SGCD: variants seen among roughly 807,000 people sequenced by gnomAD.
SGCD encodes the protein delta-sarcoglycan.
A neutral mutation model predicts 36.6 loss-of-function variants in SGCD; 18 were observed. The ratio of observed to expected loss-of-function variants is 0.49; its 90% CI spans 0.34 to 0.73. The LOEUF (loss-of-function observed/expected upper bound fraction) is 0.73, where lower values mean the gene tolerates loss of function less well. SGCD is among the 30% of genes least tolerant of loss of function. SGCD has a pLI of 0.01. For missense variants in SGCD, 387 were observed against 346.7 expected (o/e 1.12, Z -0.92); for synonymous variants, 133 against 130.6 (o/e 1.02, Z -0.12).
intron 3 of SGCD, among the ~76,000 whole-genome samples, chr5:156,209,522 C>T (rs1764380612): frequency 6.6e-6 from 1 of 152,126 alleles, no homozygotes; most frequent in African/African-American, 2.4e-5. Context: ...AGCGCTAAGC[C>T]CATTCATGTG....
intron 1 of SGCD, among the ~76,000 whole-genome samples, chr5:156,074,679 C>CA (rs1320010271): frequency 5.3e-5 from 8 of 150,838 alleles, no homozygotes; most frequent in Non-Finnish European, 8.9e-5. Flanking sequence ...GAATCCATCT[C>CA]AAAAAAAGAA....
intron 1 of SGCD, among the ~76,000 whole-genome samples, chr5:156,098,864 C>T (rs1420765056): frequency 6.6e-6 from 1 of 152,178 alleles, no homozygotes; most frequent in Non-Finnish European, 1.5e-5. Flanking sequence ...CTCTGCCCAC[C>T]CACCTTGGTA....
intron 1 of SGCD, among the ~76,000 whole-genome samples, chr5:156,113,585 G>A (rs561528364): frequency 1.3e-5 from 2 of 152,276 alleles, no homozygotes; most frequent in African/African-American, 4.8e-5. Context: ...TACAGCTGCT[G>A]TAGAAGACAG....
rs1331444114 is a variant in SGCD, at chr5:156,767,691, T to G, written c.*8301T>G. On this transcript the variant is annotated 3_prime_UTR_variant, in exon 9 of 9. Transcript: ENST00000337851. ...ATGAATTACAAGGAACTATTTTAAC[T>G]TTATTACACTTTCTGTATAAAAAAT... is the stretch of plus-strand genomic sequence containing the variant. The G allele has an allele frequency of 6.6e-6, 1 of 152,188 alleles. No individual in the cohort carries two copies. Among genetic ancestry groups the G allele is most frequent in the Non-Finnish European group, 1.5e-5 (1 of 68,034 alleles). The allele number at this position is 152,188 out of a possible 1,614,324, so 9.4% of individuals were successfully genotyped here.
At chr5:156,489,923 A>T (rs1254441053) in intron 3 of SGCD, among the ~76,000 whole-genome samples, 1 of 152,054 alleles carries the variant, frequency 6.6e-6, no homozygotes, top group African/African-American at 2.4e-5. Context: ...AGGATTAATA[A>T]AGTAAAAAAT....
At chr5:156,560,312 G>A (rs972911780) in intron 4 of SGCD, among the ~76,000 whole-genome samples, 1 of 152,066 alleles carries the variant, frequency 6.6e-6, no homozygotes, top group Non-Finnish European at 1.5e-5. Flanking sequence ...CAGTAACAAA[G>A]CCCCTTGAAA....
the SGCD span, among the ~76,000 whole-genome samples, chr5:155,845,261 A>G: frequency 6.6e-6 from 1 of 152,190 alleles, no homozygotes; most frequent in Non-Finnish European, 1.5e-5. Flanking sequence ...AGTAATTACT[A>G]CCAAATTTTA....
At chr5:155,879,079 TA>T (rs148962402) in intron 1 of SGCD, among the ~76,000 whole-genome samples, 400 of 145,784 alleles carry the variant, frequency 2.7e-3, no homozygotes, top group African/African-American at 8.1e-3. Flanking sequence ...TCTGCACACT[TA>T]AAAAAAAAAA....
intron 6 of SGCD, among the ~76,000 whole-genome samples, chr5:156,622,552 T>TA (rs1561821107): frequency 6.6e-6 from 1 of 150,452 alleles, no homozygotes; most frequent in Admixed American, 6.6e-5. Flanking sequence ...TTTTTTTTTG[T>TA]AAAAAAGAAA....
intron 3 of SGCD, among the ~76,000 whole-genome samples, chr5:156,241,488 A>T (rs1259898442): frequency 6.6e-6 from 1 of 152,190 alleles, no homozygotes; most frequent in African/African-American, 2.4e-5. Flanking sequence ...AAGAACATGT[A>T]TGCATAAACC....
At chr5:155,748,719 G>T in the SGCD span, among the ~76,000 whole-genome samples, 1 of 152,180 alleles carries the variant, frequency 6.6e-6, no homozygotes, top group African/African-American at 2.4e-5. Flanking sequence ...GAAAGTCATT[G>T]TCCATCATGG....
At chr5:155,909,293 G>C (rs998320178) in intron 1 of SGCD, among the ~76,000 whole-genome samples, 1 of 152,108 alleles carries the variant, frequency 6.6e-6, no homozygotes, top group Non-Finnish European at 1.5e-5. Flanking sequence ...CTTAAAAATA[G>C]TTGGTTTGCT....
chr5:156,606,043 A>T (rs1761432263), intron 6 of SGCD, among the ~76,000 whole-genome samples: 1 of 152,134 alleles, frequency 6.6e-6, no homozygotes, highest in Admixed American at 6.6e-5. Context: ...GAAGCTCTTT[A>T]GCTTAATTAG....
chr5:155,743,617 A>G, the SGCD span, among the ~76,000 whole-genome samples: 1 of 152,238 alleles, frequency 6.6e-6, no homozygotes, highest in South Asian at 2.1e-4. Context: ...GACTACCTCA[A>G]TGGTCCTGTA....
chr5:156,585,733 C>T (rs1381182345), intron 4 of SGCD, among the ~76,000 whole-genome samples: 1 of 152,106 alleles, frequency 6.6e-6, no homozygotes, highest in African/African-American at 2.4e-5. Context: ...CTAATGTGAT[C>T]AAAAGTGAAA....
intron 1 of SGCD, among the ~76,000 whole-genome samples, chr5:155,974,861 T>G (rs1758078179): frequency 6.6e-6 from 1 of 151,950 alleles, no homozygotes; most frequent in Non-Finnish European, 1.5e-5. Flanking sequence ...CCATATCTGG[T>G]CCTTCTATCC....
At chr5:155,829,557 A>G in the SGCD span, among the ~76,000 whole-genome samples, 7 of 152,228 alleles carry the variant, frequency 4.6e-5, no homozygotes, top group African/African-American at 1.7e-4. Context: ...AGAAGAAAGC[A>G]GGGAGAATAT....
intron 3 of SGCD, among the ~76,000 whole-genome samples, chr5:156,169,984 C>G (rs1581143883): frequency 6.6e-6 from 1 of 152,124 alleles, no homozygotes; most frequent in South Asian, 2.1e-4. Context: ...GTGACGTGAT[C>G]TGATTGACTC....
At chr5:156,584,883 T>C (rs1370812961) in intron 4 of SGCD, among the ~76,000 whole-genome samples, 3 of 152,312 alleles carry the variant, frequency 2.0e-5, no homozygotes, top group African/African-American at 7.2e-5. Context: ...TTGACAACTC[T>C]CACTCTCTGT....
Sources: allele counts gnomAD v4.1 joint callset (sites outside exome capture counted in the v4.1 genomes callset), GRCh38; gene constraint gnomAD v4.1.1; transcripts MANE v1.5; gene names NCBI Gene and HGNC (gene_info 2026-07-23, HGNC 2026-07-21).